The following ZNF385D variants were observed in gnomAD, a reference collection of about 807,000 sequenced individuals.
ZNF385D encodes zinc finger protein 385D.
ZNF385D carries 15 observed loss-of-function variants against 35.8 expected under a neutral mutation model. That is an observed-to-expected ratio of 0.42 (90% CI 0.28 to 0.64). The LOEUF is 0.64. Ranked by LOEUF, ZNF385D falls within the 30% of genes least tolerant of loss-of-function variation. The pLI is 0.23. For missense variants in ZNF385D, 474 were observed against 494.6 expected (o/e 0.96, Z 0.39); for synonymous variants, 212 against 186.8 (o/e 1.13, Z -1.10).
intron 2 of ZNF385D, among the ~76,000 whole-genome samples, chr3:22,180,905 G>A (rs1242485064): frequency 1.3e-5 from 1 of 79,524 alleles, no homozygotes; most frequent in Non-Finnish European, 2.3e-5. Context: ...GTAGCTATAT[G>A]CTTTTGTTCT....
chr3:21,754,585 A>C (rs1235290430), upstream of ZNF385D, among the ~76,000 whole-genome samples: 1 of 152,008 alleles, frequency 6.6e-6, no homozygotes, highest in Non-Finnish European at 1.5e-5. Flanking sequence ...ATATTGCTCA[A>C]AGGTTTATCA....
chr3:22,013,140 T>G (rs1282437579), intron 3 of ZNF385D, among the ~76,000 whole-genome samples: 1 of 152,136 alleles, frequency 6.6e-6, no homozygotes, highest in African/African-American at 2.4e-5. Flanking sequence ...AAGGAGAAAG[T>G]CAGTGCTTAA....
At chr3:21,731,016 T>C (rs1172152215) in intron 1 of ZNF385D, among the ~76,000 whole-genome samples, 1 of 152,184 alleles carries the variant, frequency 6.6e-6, no homozygotes, top group Non-Finnish European at 1.5e-5. Context: ...AAGTAAACTT[T>C]TGGGAATATA....
intron 2 of ZNF385D, among the ~76,000 whole-genome samples, chr3:22,329,372 A>G (rs1449248812): frequency 1.3e-5 from 2 of 152,308 alleles, no homozygotes; most frequent in East Asian, 3.9e-4. Context: ...CTCCAGAGGA[A>G]TCTACATCAG....
At chr3:22,270,041 C>T (rs938328520) in intron 2 of ZNF385D, among the ~76,000 whole-genome samples, 1 of 151,912 alleles carries the variant, frequency 6.6e-6, no homozygotes, top group African/African-American at 2.4e-5. Context: ...GGCTCAGACT[C>T]TCTGGGGTGG....
chr3:22,218,706 A>C (rs1215162719), intron 2 of ZNF385D, among the ~76,000 whole-genome samples: 1 of 152,112 alleles, frequency 6.6e-6, no homozygotes, highest in Admixed American at 6.6e-5. Context: ...GGACTTCAGT[A>C]ACTGGGTGAA....
chr3:21,525,136 A>G (rs1708146690), intron 3 of ZNF385D, among the ~76,000 whole-genome samples: 1 of 152,214 alleles, frequency 6.6e-6, no homozygotes, highest in Non-Finnish European at 1.5e-5. Context: ...AATTACAAAA[A>G]TGTAAGCACC....
intron 3 of ZNF385D, among the ~76,000 whole-genome samples, chr3:21,517,194 C>A (rs1285694622): frequency 2.0e-5 from 3 of 151,726 alleles, no homozygotes; most frequent in African/African-American, 7.3e-5. Context: ...AACTGCTGAC[C>A]CCTCAAAGTT....
chr3:21,627,115 TTA>T (rs2065155401), intron 2 of ZNF385D, among the ~76,000 whole-genome samples: 1 of 151,946 alleles, frequency 6.6e-6, no homozygotes, highest in Non-Finnish European at 1.5e-5. Context: ...CCCACTAAGA[TTA>T]TGTCTTTTGG....
chr3:22,148,134 A>G (rs530812507), intron 3 of ZNF385D, among the ~76,000 whole-genome samples: 2 of 152,268 alleles, frequency 1.3e-5, no homozygotes, highest in African/African-American at 4.8e-5. Context: ...CAACCCTCAT[A>G]TAGAACCATA....
chr3:22,368,960 C>G (rs1696781977), intron 2 of ZNF385D, among the ~76,000 whole-genome samples: 2 of 152,182 alleles, frequency 1.3e-5, no homozygotes, highest in Admixed American at 6.5e-5. Context: ...ATAAATTACA[C>G]TGGCAGTTTT....
intron 3 of ZNF385D, among the ~76,000 whole-genome samples, chr3:21,974,005 T>A (rs922690030): frequency 1.3e-5 from 2 of 152,004 alleles, no homozygotes; most frequent in Non-Finnish European, 2.9e-5. Flanking sequence ...CTCAAAGCAA[T>A]CTATATATTC....
At chr3:21,887,472 A>C (rs914802642) in intron 3 of ZNF385D, among the ~76,000 whole-genome samples, 1 of 152,196 alleles carries the variant, frequency 6.6e-6, no homozygotes, top group Non-Finnish European at 1.5e-5. Flanking sequence ...CAGATGGTAA[A>C]TTCTATAGAA....
rs76590170 is a variant in ZNF385D, at chr3:21,547,107, T to C, written c.276+17467A>G. 2.5e-3 allele frequency among the ~76,000 whole-genome samples: 374 copies of C among 152,248 alleles called. 3 individuals are homozygous for C. The highest frequency in any genetic ancestry group is 8.8e-3 in the African/African-American group (365 of 41,560). On this transcript the variant is annotated intron_variant, in intron 3 of 7. Coordinates refer to ENST00000281523, the MANE Select transcript of ZNF385D (RefSeq NM_024697.3). ...CTTTGAAAAATGCCTTTTTATTCCT[T>C]TCTCCTCGGATCCTCTCTTCACTGA...
At chr3:22,000,240 G>A (rs575004040) in intron 3 of ZNF385D, among the ~76,000 whole-genome samples, 12 of 152,158 alleles carry the variant, frequency 7.9e-5, no homozygotes, top group African/African-American at 2.6e-4. Context: ...AGGAGGTGGA[G>A]CTTGCAGTGA....
At chr3:22,210,420 C>T (rs376995785) in intron 2 of ZNF385D, among the ~76,000 whole-genome samples, 28 of 151,794 alleles carry the variant, frequency 1.8e-4, no homozygotes, top group African/African-American at 4.6e-4. Context: ...TTATTTAACA[C>T]GAATCAGCTT....
intron 3 of ZNF385D, among the ~76,000 whole-genome samples, chr3:22,115,891 T>C (rs1304929624): frequency 6.6e-6 from 1 of 152,082 alleles, no homozygotes; most frequent in Non-Finnish European, 1.5e-5. Context: ...ATTTTTGATC[T>C]TGTCAATACT....
chr3:21,631,550 A>T (rs561627740), intron 2 of ZNF385D, among the ~76,000 whole-genome samples: 1 of 152,242 alleles, frequency 6.6e-6, no homozygotes, highest in South Asian at 2.1e-4. Flanking sequence ...TCTTTTTGCT[A>T]AGAGTAGTTT....
intron 3 of ZNF385D, among the ~76,000 whole-genome samples, chr3:21,996,263 G>A (rs1046231978): frequency 1.3e-5 from 2 of 152,094 alleles, no homozygotes; most frequent in Non-Finnish European, 2.9e-5. Flanking sequence ...TGGTTGGGAC[G>A]GCAGGAGTCA....
Sources: gnomAD v4.1 joint callset for allele counts (sites outside exome capture counted in the v4.1 genomes callset) on GRCh38, gnomAD v4.1.1 for gene constraint, MANE v1.5 for transcripts, NCBI Gene and HGNC (gene_info 2026-07-23, HGNC 2026-07-21) for gene names.